KANSL2: variants seen among roughly 807,000 people sequenced by gnomAD.
The protein encoded by KANSL2 is KAT8 regulatory NSL complex subunit 2, also known as NSL complex protein NSL2.
KANSL2 carries 34 observed loss-of-function variants against 55.6 expected under a neutral mutation model. The observed-to-expected ratio is 0.61, with a 90% CI of 0.46 to 0.81. KANSL2 has a LOEUF of 0.81. KANSL2 is among the 40% of genes least tolerant of loss of function. The probability of loss-of-function intolerance (pLI) is 0.00; values close to 1 mark genes in which losing one functional copy is unlikely to be tolerated. For missense variants in KANSL2, 502 were observed against 609.9 expected (o/e 0.82, Z 1.86); for synonymous variants, 209 against 214.3 (o/e 0.98, Z 0.22).
At chr12:48,668,093 G>C (rs1565606882) in intron 6 of KANSL2, among the ~76,000 whole-genome samples, 1 of 152,060 alleles carries the variant, frequency 6.6e-6, no homozygotes, top group Non-Finnish European at 1.5e-5. Flanking sequence ...CTCAACAAAT[G>C]AAACAAAATT....
chr12:48,680,225 AT>A (rs1217015971), intron 2 of KANSL2, among the ~76,000 whole-genome samples: 1 of 151,924 alleles, frequency 6.6e-6, no homozygotes, highest in Admixed American at 6.6e-5. Flanking sequence ...TGCCCAGCAA[AT>A]TTTTTTTAGT....
At position 48,677,597 on chromosome 12, in the gene KANSL2, T is replaced by C. The variant is rs542649670; in HGVS notation, c.545+1439A>G. ...GAATTCGAGACCAGCCTGGCCAACA[T>C]GGTGAAACCCCATCTCTACTAAAAA... is the stretch of plus-strand genomic sequence containing the variant. On this transcript the variant is annotated intron_variant, in intron 4 of 9. Transcript: ENST00000420613. Among the ~76,000 whole-genome samples the C allele has an allele frequency of 3.9e-5, 6 of 151,984 alleles. No individual in the cohort carries two copies. The South Asian group carries it at 1.0e-3, about 26-fold the overall frequency.
At chr12:48,667,612 A>T (rs892073522) in intron 7 of KANSL2, 81 bp downstream of exon 7, 2 of 1,152,706 alleles carry the variant, frequency 1.7e-6, no homozygotes, top group East Asian at 4.7e-5. Flanking sequence ...AAAATCCTTC[A>T]ATTAAGCAAA....
chr12:48,673,092 T>C (rs546898904), intron 4 of KANSL2, among the ~76,000 whole-genome samples: 12 of 152,176 alleles, frequency 7.9e-5, no homozygotes, highest in African/African-American at 2.9e-4. Flanking sequence ...TATAGGCCTA[T>C]ATTGGAGCTC....
chr12:48,682,186 C>T lies in KANSL2; in HGVS notation c.-10+1G>A. ...TAGAGGAAAGAGCACCGCCATCTTACCTCAGGAGCTGCGCTGCGCCGCACT... is the reference window on the plus strand; with the variant it reads ...TAGAGGAAAGAGCACCGCCATCTTATCTCAGGAGCTGCGCTGCGCCGCACT... On this transcript the variant is annotated splice_donor_variant, in intron 1 of 9. Transcript: ENST00000420613. LOFTEE classifies it low-confidence loss of function (5UTR_SPLICE). 1.5e-6 allele frequency: 1 copy of T among 689,358 alleles called. No homozygotes were observed. The highest frequency in any genetic ancestry group is 2.6e-6 in the Non-Finnish European group (1 of 377,612). 42.7% of individuals were successfully genotyped at this position (689,358 alleles called of 1,614,324 possible).
intron 4 of KANSL2, 130 bp from the exon 5 acceptor site, chr12:48,672,092 A>C: frequency 3.0e-6 from 2 of 662,358 alleles, no homozygotes; most frequent in Non-Finnish European, 4.7e-6. Flanking sequence ...ATGTTTTTGC[A>C]AAACATTGTA....
At chr12:48,669,667 G>A (rs530159842) in intron 5 of KANSL2, among the ~76,000 whole-genome samples, 165 of 151,830 alleles carry the variant, frequency 1.1e-3, no homozygotes, top group Non-Finnish European at 1.7e-3. Flanking sequence ...ACAGGTGCCC[G>A]CCACCACGCC....
chr12:48,662,166 G>A (rs533439796), intron 7 of KANSL2, among the ~76,000 whole-genome samples: 2 of 152,272 alleles, frequency 1.3e-5, no homozygotes, highest in South Asian at 4.1e-4. Context: ...ATGCAGTGGC[G>A]TGATCTCGGC....
chr12:48,659,107 A>G (rs1420294056), intron 8 of KANSL2, among the ~76,000 whole-genome samples: 1 of 150,638 alleles, frequency 6.6e-6, no homozygotes, highest in Non-Finnish European at 1.5e-5. Context: ...CAGCCTGGCC[A>G]ACATGGTGAA....
At chr12:48,668,494 G>A (rs1204038582) in intron 6 of KANSL2, among the ~76,000 whole-genome samples, 1 of 152,182 alleles carries the variant, frequency 6.6e-6, no homozygotes, top group East Asian at 1.9e-4. Flanking sequence ...GACATAGGGA[G>A]TTCAAGACCA....
Position 48,653,288 on chromosome 12 carries a change from C to T in KANSL2, c.*756G>A, listed in dbSNP as rs916776982. On this transcript the variant is annotated 3_prime_UTR_variant, in exon 10 of 10. Transcript: ENST00000420613. ...TTCAAAGCAAAACCAAAATGAGCTA[C>T]TGAAGATTTATTTACTTCTTGGGAT... The T allele has an allele frequency of 3.9e-5, 6 of 152,592 alleles. No homozygotes were observed. Among genetic ancestry groups the T allele is most frequent in the African/African-American group, 1.2e-4 (5 of 41,460 alleles). 9.5% of individuals were successfully genotyped at this position (152,592 alleles called of 1,614,324 possible). A position where few individuals can be genotyped will look rare whatever the true frequency, so the allele number is the denominator to read the frequency against.
intron 8 of KANSL2, among the ~76,000 whole-genome samples, chr12:48,655,837 G>A (rs1181684847): frequency 6.6e-6 from 1 of 151,504 alleles, no homozygotes; most frequent in Non-Finnish European, 1.5e-5. Context: ...GAAGTGGGAG[G>A]ATCACTTGAG....
At chr12:48,667,821 C>A in intron 6 of KANSL2, 32 bp from the exon 7 acceptor site, 1 of 1,394,272 alleles carries the variant, frequency 7.2e-7, no homozygotes, top group Non-Finnish European at 1.0e-6. Context: ...AAAATAGACC[C>A]ACAAAAGAAC....
Position 48,667,620 on chromosome 12 carries a change from A to G in KANSL2, c.973+73T>C, listed in dbSNP as rs749644141. ...GGAAAACAAAATCCTTCAATTAAGCAAACTAGCACAGAGATTCCCACTAGT... is the reference window on the plus strand; with the variant it reads ...GGAAAACAAAATCCTTCAATTAAGCGAACTAGCACAGAGATTCCCACTAGT... On this transcript the variant is annotated intron_variant, in intron 7 of 9. Transcript: ENST00000420613. The G allele has an allele frequency of 3.3e-6, 4 of 1,215,146 alleles. No homozygotes were observed. The African/African-American group carries it at 4.5e-5, about 14-fold the overall frequency. 75.3% of individuals were successfully genotyped at this position (1,215,146 alleles called of 1,614,324 possible).
chr12:48,676,687 G>C, intron 4 of KANSL2, among the ~76,000 whole-genome samples: 1 of 151,984 alleles, frequency 6.6e-6, no homozygotes, highest in East Asian at 1.9e-4. Context: ...GATTACATGC[G>C]TAAGTCACTA....
chr12:48,671,940 C>A lies in KANSL2; in HGVS notation c.568G>T (p.Glu190Ter). The A allele has an allele frequency of 6.2e-7, 1 of 1,605,576 alleles. No individual in the cohort carries two copies. Among genetic ancestry groups the A allele is most frequent in the Non-Finnish European group, 8.5e-7 (1 of 1,174,050 alleles). Residue 190 changes from glutamate to a stop codon, truncating the protein, a stop_gained, in exon 5 of 10, where the codon GAA (glutamate) becomes TAA (stop). Transcript: ENST00000420613. LOFTEE classifies it high-confidence loss of function. ...TCACGCATAATCAGGGCCACTTCTT[C>A]TGCTGTGTAGACACCAGCATGTCTG... ...PLKHAGVYTA[E>*]EVALIMREKL... is the part of the protein sequence containing the mutation.
At chr12:48,657,338 T>G (rs993445687) in intron 8 of KANSL2, among the ~76,000 whole-genome samples, 1 of 152,162 alleles carries the variant, frequency 6.6e-6, no homozygotes, top group Non-Finnish European at 1.5e-5. Flanking sequence ...GGCAGGAGAA[T>G]TGCTTGAACC....
intron 5 of KANSL2, among the ~76,000 whole-genome samples, chr12:48,670,604 C>T (rs1050506823): frequency 4.6e-5 from 7 of 152,192 alleles, no homozygotes; most frequent in African/African-American, 1.7e-4. Flanking sequence ...TTTTGTACAG[C>T]TGTACAGTGT....
rs1939842006 is a variant in KANSL2, at chr12:48,677,432, G to C, written c.545+1604C>G. Among the ~76,000 whole-genome samples the C allele has an allele frequency of 7.2e-5, 11 of 152,030 alleles. No homozygotes were observed. In the South Asian group the frequency reaches 2.3e-3, roughly 31 times the overall value. ...AAACGACACTCCCTTTGTAACCCTA[G>C]AGAGCATACATCTCTTCAAAGCAGC... On this transcript the variant is annotated intron_variant, in intron 4 of 9. Coordinates refer to ENST00000420613, the MANE Select transcript of KANSL2 (RefSeq NM_017822.4).
Sources: allele counts gnomAD v4.1 joint callset (sites outside exome capture counted in the v4.1 genomes callset), GRCh38; gene constraint gnomAD v4.1.1; transcripts MANE v1.5; gene names NCBI Gene and HGNC (gene_info 2026-07-23, HGNC 2026-07-21).